Variants in SPEG observed in about 807,000 individuals in gnomAD.
SPEG encodes striated muscle enriched protein kinase.
In SPEG, 114 loss-of-function variants were observed where a neutral mutation model predicts 300.4. That is an observed-to-expected ratio of 0.38 (90% confidence interval 0.33 to 0.44). SPEG has a LOEUF of 0.44. Ranked by LOEUF, SPEG falls within the 20% of genes least tolerant of loss-of-function variation. The pLI is 1.00. For missense variants in SPEG, 4,201 were observed against 4,586.2 expected (o/e 0.92, Z 2.43); for synonymous variants, 1,964 against 2,018.9 (o/e 0.97, Z 0.73).
In SPEG at chr2:219,445,061, G is replaced by A; in HGVS notation, c.715G>A (p.Val239Met). The A allele has an allele frequency of 6.2e-7, 1 of 1,606,684 alleles. No homozygotes were observed. Among genetic ancestry groups the A allele is most frequent in the Non-Finnish European group, 8.5e-7 (1 of 1,176,696 alleles). Residue 239 changes from valine to methionine, a missense_variant, in exon 3 of 41, where the codon GTG becomes ATG. Physicochemically the swap from Val to Met is conservative, Grantham distance 21. Coordinates refer to ENST00000312358, the MANE Select transcript of SPEG (RefSeq NM_005876.5). This position sits in a 1 kb window ranked among gnomAD's most constrained non-coding sequence, Gnocchi z 6.1. ...GGTGCGGGCATCTCGAGCTAATCTG[G>A]TGGGCGCAAGCTGGGGGTCAGAGGA... is the stretch of plus-strand genomic sequence containing the variant. ...PLVRASRANLVGASWGSEDSL... is the reference protein window; with the variant it reads ...PLVRASRANLMGASWGSEDSL...
At chr2:219,486,271 A>G (rs1435903044) in intron 31 of SPEG, among the ~76,000 whole-genome samples, 2 of 152,222 alleles carry the variant, frequency 1.3e-5, no homozygotes, top group African/African-American at 4.8e-5. Context: ...ACGACAAGCA[A>G]AGGCTTCGGG....
rs116017731 is a variant in SPEG at position 219,477,216 on chromosome 2, C to A, written c.4561-61C>A. On this transcript the variant is annotated intron_variant, in intron 19 of 40. Transcript: ENST00000312358. The surrounding 1 kb of genome is among the most constrained non-coding windows in gnomAD (Gnocchi z 6.4). ...GCGCTGCCCAGAGTAGGAGATGAGG[C>A]CCTGGCCCCAAGGTAGAGATGAGGC... 1.4e-6 allele frequency: 2 copies of A among 1,467,410 alleles called. No individual in the cohort carries two copies. Among genetic ancestry groups the A allele is most frequent in the Non-Finnish European group, 1.8e-6 (2 of 1,088,668 alleles). The allele number at this position is 1,467,410 out of a possible 1,614,324, so 90.9% of individuals were successfully genotyped here.
Position 219,469,004 on chromosome 2 carries a change from CCAG to C in SPEG, c.3449_3451del (p.Gln1150del), listed in dbSNP as rs1358026556. On this transcript the variant is annotated inframe_deletion, in exon 12 of 41. Transcript: ENST00000312358. ...CCCATGGCCAGGCCCACTGCTCAGCCCAGCTGTATGTAGAAGAGCCCCGGACAG... is the reference window on the plus strand; with the variant it reads ...CCCATGGCCAGGCCCACTGCTCAGCCCTGTATGTAGAAGAGCCCCGGACAG... 6.2e-7 allele frequency: 1 copy of C among 1,613,854 alleles called. No homozygotes were observed. Among genetic ancestry groups the C allele is most frequent in the African/African-American group, 1.3e-5 (1 of 75,060 alleles).
rs115755028 is a variant in SPEG at position 219,463,304 on chromosome 2, G to A, written c.2705+918G>A. On this transcript the variant is annotated intron_variant, in intron 8 of 40. Transcript: ENST00000312358. ...CAGAGGGGCCTCGCTCATCCCAGGT[G>A]CCTGGAAGATGGATTACTCAGCTTG... Among the ~76,000 whole-genome samples the A allele has an allele frequency of 2.0e-3, 309 of 151,418 alleles. 1 individual carries two copies. Among genetic ancestry groups the A allele is most frequent in the Non-Finnish European group, 3.7e-3 (252 of 67,958 alleles).
chr2:219,443,462 T>C lies in SPEG; in HGVS notation c.389-1191T>C. 4.7e-6 allele frequency: 2 copies of C among 429,064 alleles called. No individual in the cohort carries two copies. The highest frequency in any genetic ancestry group is 8.5e-6 in the Non-Finnish European group (2 of 235,970). 26.6% of individuals were successfully genotyped at this position (429,064 alleles called of 1,614,324 possible). On this transcript the variant is annotated intron_variant, in intron 1 of 40. Transcript: ENST00000312358. This position sits in a 1 kb window ranked among gnomAD's most constrained non-coding sequence, Gnocchi z 4.6. The stretch of plus-strand genomic sequence containing the variant: ...ACCAGTACGTGGCTCCTGCTTGTCA[T>C]GGCAGCCAGAGGGAAACTGAGGCAC...
At chr2:219,472,411 G>A in intron 15 of SPEG, 80 bp downstream of exon 15, 1 of 1,275,640 alleles carries the variant, frequency 7.8e-7, no homozygotes, top group Non-Finnish European at 1.1e-6. Flanking sequence ...ATGGGGGCCA[G>A]GCCCCAGAAG....
rs138216550 is a variant in SPEG, at chr2:219,480,167, G to C, written c.5342+27G>C. 1.2e-6 allele frequency: 2 copies of C among 1,610,134 alleles called. No individual in the cohort carries two copies. Among genetic ancestry groups the C allele is most frequent in the Non-Finnish European group, 8.5e-7 (1 of 1,177,656 alleles). ...TAAGGCTGGCATGCTGGGCTGGGCC[G>C]ACCAGGGCAGCTGCCCTTGGGGCTG... On this transcript the variant is annotated intron_variant, in intron 25 of 40. Coordinates refer to ENST00000312358, the MANE Select transcript of SPEG (RefSeq NM_005876.5). This position sits in a 1 kb window ranked among gnomAD's most constrained non-coding sequence, Gnocchi z 5.3.
chr2:219,464,053 G>GC lies in SPEG; in HGVS notation c.2706-380_2706-379insC. Among the ~76,000 whole-genome samples the GC allele has an allele frequency of 6.6e-6, 1 of 151,748 alleles. No homozygotes were observed. Among genetic ancestry groups the GC allele is most frequent in the African/African-American group, 2.4e-5 (1 of 41,288 alleles). On this transcript the variant is annotated intron_variant, in intron 8 of 40. Transcript: ENST00000312358. The surrounding 1 kb of genome is among the most constrained non-coding windows in gnomAD (Gnocchi z 4.5). Reference sequence around the variant, plus strand: ...GGGGAGATCGCTTGAGCCTGGGGAGGTAGAAGCTGCAGTGAGCTGTGATTG... The same window carrying GC: ...GGGGAGATCGCTTGAGCCTGGGGAGGCTAGAAGCTGCAGTGAGCTGTGATTG...
At chr2:219,468,439 C>A (rs931612014) in intron 10 of SPEG, 139 bp from the exon 11 acceptor site, 3 of 940,414 alleles carry the variant, frequency 3.2e-6, no homozygotes, top group Non-Finnish European at 4.7e-6. Flanking sequence ...GTGCCCACTT[C>A]CTCCCCTGAG....
Position 219,492,830 on chromosome 2 carries a change from C to T in SPEG, c.*44C>T, listed in dbSNP as rs548218905. The T allele has an allele frequency of 1.6e-5, 25 of 1,524,002 alleles. No individual in the cohort carries two copies. The East Asian group carries it at 5.6e-4, about 34-fold the overall frequency. 94.4% of individuals were successfully genotyped at this position (1,524,002 alleles called of 1,614,324 possible). A position where few individuals can be genotyped will look rare whatever the true frequency, so the allele number is the denominator to read the frequency against. ...GGCCTCGGGCTTCAACTGGGGTTCC[C>T]ACCAATGCCACGGGACATTCCAGGG... On this transcript the variant is annotated 3_prime_UTR_variant, in exon 41 of 41. Coordinates refer to ENST00000312358, the MANE Select transcript of SPEG (RefSeq NM_005876.5).
Position 219,481,333 on chromosome 2 carries a change from A to G in SPEG, c.5399A>G (p.Glu1800Gly). ...CLTGISPFVG[E>G]NDRTTLMNIR... ...ACAGGAATCTCCCCGTTTGTTGGGG[A>G]AAATGACCGGACAACATTGATGAAC... Residue 1800 changes from glutamate (E) to glycine (G), a missense_variant, in exon 27 of 41, where the codon GAA becomes GGA. Physicochemically the swap from Glu to Gly is moderately conservative, Grantham distance 98. Transcript: ENST00000312358. The surrounding 1 kb of genome is among the most constrained non-coding windows in gnomAD (Gnocchi z 5.4). The G allele has an allele frequency of 1.2e-6, 2 of 1,614,032 alleles. No homozygotes were observed. Among genetic ancestry groups the G allele is most frequent in the Non-Finnish European group, 1.7e-6 (2 of 1,180,002 alleles).
Position 219,443,743 on chromosome 2 carries a change from G to GGTGT in SPEG, c.389-894_389-891dup, listed in dbSNP as rs369130006. On this transcript the variant is annotated intron_variant, in intron 1 of 40. Transcript: ENST00000312358. The surrounding 1 kb of genome is among the most constrained non-coding windows in gnomAD (Gnocchi z 4.6). Reference sequence around the variant, plus strand: ...TCTGCGGCTGGACTGGACACAAGCAGGTGTGTGTGTGTGTGTGTGCATGTG... The same window carrying GGTGT: ...TCTGCGGCTGGACTGGACACAAGCAGGTGTGTGTGTGTGTGTGTGTGTGCATGTG... The GGTGT allele has an allele frequency of 2.4e-4, 79 of 325,428 alleles. No homozygotes were observed. Among genetic ancestry groups the GGTGT allele is most frequent in the African/African-American group, 4.4e-4 (20 of 45,820 alleles). 20.2% of individuals were successfully genotyped at this position (325,428 alleles called of 1,614,324 possible).
In SPEG at chr2:219,473,624, G is replaced by A; in HGVS notation, c.4268G>A (p.Arg1423Lys). ...FNHVEAQVVW[R>K]SCRGALLEAR... ...CATGTGGAGGCCCAGGTCGTCTGGA[G>A]GAGGTGGGCCCCTTTCCCACATGTG... Residue 1423 changes from arginine to lysine, a missense_variant, in exon 17 of 41, where the codon AGG (arginine) becomes AAG (lysine). Physicochemically the swap from Arg to Lys is conservative, Grantham distance 26 (BLOSUM62 2). Around this residue, in one of 4 missense-constraint regions of SPEG, gnomAD observed 1,047 missense variants for 1,356.8 expected, o/e 0.77. Coordinates refer to ENST00000312358, the MANE Select transcript of SPEG (RefSeq NM_005876.5). This position sits in a 1 kb window ranked among gnomAD's most constrained non-coding sequence, Gnocchi z 4.6. 1 of 1,614,198 alleles carries A rather than the reference G, an allele frequency of 6.2e-7. No individual in the cohort carries two copies. The highest frequency in any genetic ancestry group is 1.1e-5 in the South Asian group (1 of 91,088).
rs34814828 is a variant in SPEG at position 219,474,795 on chromosome 2, CTTT to C, written c.4447+910_4447+912del. Among the ~76,000 whole-genome samples the C allele has an allele frequency of 2.4e-3, 261 of 110,384 alleles. 1 individual carries two copies. Among genetic ancestry groups the C allele is most frequent in the Middle Eastern group, 9.2e-3 (2 of 218 alleles). The allele number at this position is 110,384 out of a possible 152,430, so 72.4% of individuals were successfully genotyped here. On this transcript the variant is annotated intron_variant, in intron 18 of 40. Transcript: ENST00000312358. ...CCCAATGTTTGCAGCAGCAAGGATTCTTTTTTTTTTTTTTTTTTTTGAGACAGT... is the reference window on the plus strand; with the variant it reads ...CCCAATGTTTGCAGCAGCAAGGATTCTTTTTTTTTTTTTTTTTGAGACAGT...
rs551910957 is a variant in SPEG at position 219,483,607 on chromosome 2, G to A, written c.6144G>A (p.Pro2048=). ...TGCCGCAGCGCCGGAGCCCCAGCCCGGGAGCCACCCGCCTGGCCCGGGGAG... is the reference window on the plus strand; with the variant it reads ...TGCCGCAGCGCCGGAGCCCCAGCCCAGGAGCCACCCGCCTGGCCCGGGGAG... ...VELPQRRSPS[P]GATRLARGGL... The change falls in exon 30 of 41, where the codon CCG becomes CCA. Residue 2048 remains proline (P), a synonymous_variant. Coordinates refer to ENST00000312358, the MANE Select transcript of SPEG (RefSeq NM_005876.5). 16 of 1,501,188 alleles carry A rather than the reference G, an allele frequency of 1.1e-5. No homozygotes were observed. In the South Asian group the frequency reaches 1.7e-4, roughly 16 times the overall value. 93.0% of individuals were successfully genotyped at this position (1,501,188 alleles called of 1,614,324 possible). A position where few individuals can be genotyped will look rare whatever the true frequency, so the allele number is the denominator to read the frequency against.
At position 219,445,004 on chromosome 2, in the gene SPEG, G is replaced by A. The variant is rs771806971; in HGVS notation, c.658G>A (p.Ala220Thr). The A allele has an allele frequency of 3.1e-6, 5 of 1,610,670 alleles. No individual in the cohort carries two copies. In the South Asian group the frequency reaches 3.3e-5, roughly 11 times the overall value. ...GSPRQAQATG[A>T]GPRHLGVEPL... The stretch of plus-strand genomic sequence containing the variant: ...CCCAAGGCAAGCACAGGCAACCGGG[G>A]CCGGGCCACGGCACCTGGGGGTGGA... Residue 220 changes from alanine (A) to threonine (T), a missense_variant, in exon 3 of 41, where the codon GCC becomes ACC. Physicochemically the swap from Ala to Thr is moderately conservative, Grantham distance 58. Coordinates refer to ENST00000312358, the MANE Select transcript of SPEG (RefSeq NM_005876.5). This position sits in a 1 kb window ranked among gnomAD's most constrained non-coding sequence, Gnocchi z 6.1.
rs995629990 is a variant in SPEG, at chr2:219,477,193, G to A, written c.4561-84G>A. ...GACTCTGGGTCCTGGTGAGAGATGCGCTGCCCAGAGTAGGAGATGAGGCCC... is the reference window on the plus strand; with the variant it reads ...GACTCTGGGTCCTGGTGAGAGATGCACTGCCCAGAGTAGGAGATGAGGCCC... On this transcript the variant is annotated intron_variant, in intron 19 of 40. Transcript: ENST00000312358. The surrounding 1 kb of genome is among the most constrained non-coding windows in gnomAD (Gnocchi z 6.4). 13 of 296,914 alleles carry A rather than the reference G, an allele frequency of 4.4e-5. No homozygotes were observed. Among genetic ancestry groups the A allele is most frequent in the African/African-American group, 1.8e-4 (9 of 50,064 alleles). The allele number at this position is 296,914 out of a possible 1,614,324, so 18.4% of individuals were successfully genotyped here. A position where few individuals can be genotyped will look rare whatever the true frequency, so the allele number is the denominator to read the frequency against.
chr2:219,477,140 G>C lies in SPEG; in HGVS notation c.4561-137G>C. Reference sequence around the variant, plus strand: ...GGACTGACTAGCTGAGGGGTGCAGGGCTTTCTGTGGGAGATAAGGGAGGAG... The same window carrying C: ...GGACTGACTAGCTGAGGGGTGCAGGCCTTTCTGTGGGAGATAAGGGAGGAG... On this transcript the variant is annotated intron_variant, in intron 19 of 40. Transcript: ENST00000312358. The surrounding 1 kb of genome is among the most constrained non-coding windows in gnomAD (Gnocchi z 6.4). The C allele has an allele frequency of 1.0e-6, 1 of 992,340 alleles. No homozygotes were observed. The highest frequency in any genetic ancestry group is 1.5e-6 in the Non-Finnish European group (1 of 683,026). 61.5% of individuals were successfully genotyped at this position (992,340 alleles called of 1,614,324 possible).
At chr2:219,472,175 G>A in intron 14 of SPEG, 52 bp from the exon 15 acceptor site, 1 of 1,586,518 alleles carries the variant, frequency 6.3e-7, no homozygotes, top group South Asian at 1.1e-5. Flanking sequence ...CGGTGATCCT[G>A]TGGGGCTGTT....
Sources: allele counts gnomAD v4.1 joint callset (sites outside exome capture counted in the v4.1 genomes callset), GRCh38; gene constraint gnomAD v4.1.1; regional missense constraint gnomAD v4.1.1; non-coding constraint Gnocchi (gnomAD v3.1); transcripts MANE v1.5; gene names NCBI Gene and HGNC (gene_info 2026-07-23, HGNC 2026-07-21).